Variants in USH1C observed in about 807,000 individuals in gnomAD.
The protein encoded by USH1C is USH1 protein network component harmonin.
Under a neutral mutation model 119.3 loss-of-function variants are expected in USH1C, and 90 were observed. The observed-to-expected ratio is 0.75, with a 90% confidence interval of 0.64 to 0.90. USH1C has a LOEUF of 0.90. Ranked by LOEUF, USH1C falls within the 40% of genes least tolerant of loss-of-function variation. The pLI is 0.00. For missense variants in USH1C, 1,165 were observed against 1,167.7 expected, an observed-to-expected ratio of 1.00 and a Z score of 0.03; for synonymous variants, 465 against 443.3, an observed-to-expected ratio of 1.05 and a Z score of -0.62.
rs755898333 is a variant in USH1C, at chr11:17,498,126, G to A, written c.2490+36C>T. 11 of 1,590,234 alleles carry A rather than the reference G, an allele frequency of 6.9e-6. No individual in the cohort carries two copies. In the Middle Eastern group the frequency reaches 4.9e-4, roughly 72 times the overall value. On this transcript the variant is annotated intron_variant, in intron 24 of 26. Coordinates refer to ENST00000005226, the MANE Select transcript of USH1C (RefSeq NM_153676.4). ...AGAGGCCAGGGTTTGAGGCAGGCAG[G>A]TGAGGGAGGAAAGGAGGGAGGGGCC...
rs756345599 is a variant in USH1C at position 17,524,556 on chromosome 11, G to A, written c.675-21C>T. 4 of 1,553,124 alleles carry A rather than the reference G, an allele frequency of 2.6e-6. No homozygotes were observed. The African/African-American group carries it at 4.1e-5, about 16-fold the overall frequency. On this transcript the variant is annotated intron_variant, in intron 8 of 26. Coordinates refer to ENST00000005226, the MANE Select transcript of USH1C (RefSeq NM_153676.4). Reference sequence around the variant, plus strand: ...AAATGCTGCGGGAGGTGGGAAATGTGTGCTCGGGATTCAGGTAACCCATGT... The same window carrying A: ...AAATGCTGCGGGAGGTGGGAAATGTATGCTCGGGATTCAGGTAACCCATGT...
rs541115741 is a variant in USH1C at position 17,544,404 on chromosome 11, C to A, written c.-97G>T. The A allele has an allele frequency of 8.1e-5, 127 of 1,571,360 alleles. No homozygotes were observed. In the South Asian group the frequency reaches 8.9e-4, roughly 11 times the overall value. Reference sequence around the variant, plus strand: ...GAGCCGCGACCGCGACCGGGCCAGCCGCCCTCGGAGCTGGGGGCGGGGCCT... The same window carrying A: ...GAGCCGCGACCGCGACCGGGCCAGCAGCCCTCGGAGCTGGGGGCGGGGCCT... On this transcript the variant is annotated 5_prime_UTR_variant, in exon 1 of 27. Coordinates refer to ENST00000005226, the MANE Select transcript of USH1C (RefSeq NM_153676.4).
intron 19 of USH1C, 92 bp from the exon 20 acceptor site, chr11:17,504,789 G>A: frequency 7.3e-7 from 1 of 1,371,252 alleles, no homozygotes; most frequent in Non-Finnish European, 1.0e-6. Context: ...TGCCAGTCTG[G>A]GGCTGCCGTG....
At chr11:17,514,923 A>G (rs959683408) in intron 15 of USH1C, among the ~76,000 whole-genome samples, 1 of 151,764 alleles carries the variant, frequency 6.6e-6, no homozygotes, top group Non-Finnish European at 1.5e-5. Flanking sequence ...CAAGGACATG[A>G]TTTCTGATGG....
Position 17,516,250 on chromosome 11 carries a change from G to A in USH1C, c.1251C>T (p.Thr417=), listed in dbSNP as rs1172952530. ...CCCAACCCTGTCCTACCTTCCGGAT[G>A]GTTGGGAATTTGCCATCGTAACGAT... is the stretch of plus-strand genomic sequence containing the variant. ...WFYRYDGKFP[T]IRKKGKDKKK... The change falls in exon 15 of 27, where the codon ACC becomes ACT. Residue 417 remains threonine (T), a synonymous_variant. Transcript: ENST00000005226. 1 of 1,613,736 alleles carries A rather than the reference G, an allele frequency of 6.2e-7. No individual in the cohort carries two copies. Among genetic ancestry groups the A allele is most frequent in the Admixed American group, 1.7e-5 (1 of 59,982 alleles).
chr11:17,509,306 C>T (rs1382748350), intron 18 of USH1C, 50 bp downstream of exon 18: 2 of 1,518,484 alleles, frequency 1.3e-6, no homozygotes, highest in Admixed American at 2.0e-5. Flanking sequence ...AACAGCAGTT[C>T]TCCCCACTCT....
In USH1C at chr11:17,523,404, A is replaced by T. The variant is rs1340722850; in HGVS notation, c.819+15T>A. 2 of 1,613,794 alleles carry T rather than the reference A, an allele frequency of 1.2e-6. No individual in the cohort carries two copies. The highest frequency in any genetic ancestry group is 1.1e-5 in the South Asian group (1 of 91,052). Reference sequence around the variant, plus strand: ...AGATGACAAGGGCCAACAGGTGAAGACCCCCACATCTCACCTCCTTGTGAT... The same window carrying T: ...AGATGACAAGGGCCAACAGGTGAAGTCCCCCACATCTCACCTCCTTGTGAT... On this transcript the variant is annotated intron_variant, in intron 10 of 26. Coordinates refer to ENST00000005226, the MANE Select transcript of USH1C (RefSeq NM_153676.4).
intron 15 of USH1C, 143 bp from the exon 16 acceptor site, chr11:17,512,197 C>T: frequency 5.3e-6 from 5 of 938,916 alleles, no homozygotes; most frequent in Non-Finnish European, 8.4e-6. Flanking sequence ...GGACATCAGA[C>T]CTCAGGTTTA....
At chr11:17,509,319 C>T in intron 18 of USH1C, 37 bp downstream of exon 18, 2 of 1,533,246 alleles carry the variant, frequency 1.3e-6, no homozygotes, top group South Asian at 1.3e-5. Flanking sequence ...CCCACTCTTC[C>T]TACTTCCAAA....
intron 1 of USH1C, among the ~76,000 whole-genome samples, chr11:17,540,647 A>G (rs1273710041): frequency 6.6e-6 from 1 of 152,072 alleles, no homozygotes; most frequent in Non-Finnish European, 1.5e-5. Context: ...CTCCGTCTCC[A>G]CCAAATGTGG....
intron 22 of USH1C, 34 bp downstream of exon 22, chr11:17,501,448 A>G (rs1464619529): frequency 1.1e-5 from 17 of 1,605,834 alleles, no homozygotes; most frequent in Admixed American, 1.7e-5. Flanking sequence ...ACAGAGAGGG[A>G]TGGCGGCCCA....
chr11:17,542,871 TG>T (rs1298008510), intron 1 of USH1C, among the ~76,000 whole-genome samples: 1 of 152,218 alleles, frequency 6.6e-6, no homozygotes, highest in Admixed American at 6.5e-5. Context: ...AAGCTCCCCT[TG>T]GTATTCGCCA....
intron 7 of USH1C, 35 bp downstream of exon 7, chr11:17,526,718 C>T: frequency 6.2e-7 from 1 of 1,608,750 alleles, no homozygotes; most frequent in Middle Eastern, 1.7e-4. Context: ...AAGATGACCC[C>T]ACCCAAACCC....
chr11:17,539,127 A>C lies in USH1C; in HGVS notation c.36+5145T>G, dbSNP rs146040999. Among the ~76,000 whole-genome samples, 215 of 152,292 alleles carry C rather than the reference A, an allele frequency of 1.4e-3. 1 individual carries two copies. The highest frequency in any genetic ancestry group is 5.0e-3 in the African/African-American group (206 of 41,562). On this transcript the variant is annotated intron_variant, in intron 1 of 26. Transcript: ENST00000005226. ...TCTGTGGACTCCTCCTCTATCTTTA[A>C]GACTCACTTCAAATGTCGCCTCTTC...
rs767662810 is a variant in USH1C, at chr11:17,501,517, T to C, written c.2245A>G (p.Met749Val). The C allele has an allele frequency of 1.9e-6, 3 of 1,612,390 alleles. No individual in the cohort carries two copies. The Admixed American group carries it at 5.0e-5, about 27-fold the overall frequency. Residue 749 changes from methionine to valine, a missense_variant, in exon 22 of 27, where the codon ATG becomes GTG. Transcript: ENST00000005226. ...CGTAGGAGCCGGACATCCTTCCCCA[T>C]GATCTGCTCTGGGGTGAACTAGAGA... ...PYSMFTPEQI[M>V]GKDVRLLRIK...
chr11:17,529,133 TG>T (rs11301442), intron 4 of USH1C, among the ~76,000 whole-genome samples: 64,464 of 151,980 alleles, frequency 0.42, 13,685 homozygotes, highest in East Asian at 0.51. Flanking sequence ...CCTTGCCACC[TG>T]TCAGAGCCCT....
rs545754429 is a variant in USH1C at position 17,501,041 on chromosome 11, C to A, written c.2380+10G>T. The stretch of plus-strand genomic sequence containing the variant: ...ATCCCCAAACCTGGGTGTGGCTAGT[C>A]TCCACTCACCATGCCGCTCAGCAGC... On this transcript the variant is annotated intron_variant, in intron 23 of 26. Transcript: ENST00000005226. The A allele has an allele frequency of 6.2e-7, 1 of 1,610,728 alleles. No homozygotes were observed. Among genetic ancestry groups the A allele is most frequent in the African/African-American group, 1.3e-5 (1 of 74,996 alleles).
At position 17,523,544 on chromosome 11, in the gene USH1C, A is replaced by G. The variant is rs4757539; in HGVS notation, c.760-66T>C. 896,387 of 1,533,868 alleles carry G rather than the reference A, an allele frequency of 0.58. 262,774 individuals carry two copies. The highest frequency in any genetic ancestry group is 0.7 in the South Asian group (61,685 of 87,588). On this transcript the variant is annotated intron_variant, in intron 9 of 26. Coordinates refer to ENST00000005226, the MANE Select transcript of USH1C (RefSeq NM_153676.4). The stretch of plus-strand genomic sequence containing the variant: ...CTGTACACTCGCTCATCTGCAGGAC[A>G]GGCTCCCCCAGGGGCTCTGGGTCAG...
intron 1 of USH1C, among the ~76,000 whole-genome samples, chr11:17,540,949 G>T (rs188095511): frequency 6.6e-6 from 1 of 152,022 alleles, no homozygotes; most frequent in African/African-American, 2.4e-5. Flanking sequence ...CCACCCCTCC[G>T]ACCCATTTCT....
Sources: allele counts gnomAD v4.1 joint callset (sites outside exome capture counted in the v4.1 genomes callset), GRCh38; gene constraint gnomAD v4.1.1; transcripts MANE v1.5; gene names NCBI Gene and HGNC (gene_info 2026-07-23, HGNC 2026-07-21).